Variants in CIMAP3 observed in about 807,000 individuals in gnomAD.
CIMAP3 encodes the protein ciliary microtubule associated protein 3, also known as ciliary microtubule-associated protein 3.
At chr1:111,348,280 C>A in the CIMAP3 span, 1 of 326,288 alleles carries the variant, frequency 3.1e-6, no homozygotes, top group Non-Finnish European at 5.6e-6. Flanking sequence ...CCTTGGTTCT[C>A]TACCCATCCT....
the CIMAP3 span, among the ~76,000 whole-genome samples, chr1:111,329,262 T>C: frequency 6.6e-6 from 1 of 152,050 alleles, no homozygotes; most frequent in Non-Finnish European, 1.5e-5. Flanking sequence ...GACCTTTCTC[T>C]CTAGCTGCTT....
the CIMAP3 span, chr1:111,347,638 G>GTTTTTTTTTT: frequency 1.2e-6 from 1 of 818,772 alleles, no homozygotes; most frequent in South Asian, 2.9e-5. Context: ...TTTTTTTTTT[G>GTTTTTTTTTT]GTGTTTTTGT....
At chr1:111,346,920 T>A in the CIMAP3 span, 1 of 1,613,910 alleles carries the variant, frequency 6.2e-7, no homozygotes, top group South Asian at 1.1e-5. Flanking sequence ...ACGCTGCGGA[T>A]AACTACCCTT....
the CIMAP3 span, chr1:111,346,692 G>C: frequency 1.2e-6 from 2 of 1,611,818 alleles, no homozygotes; most frequent in Non-Finnish European, 1.7e-6. Context: ...CTGCCGAGAA[G>C]CCTAGAGTAG....
At chr1:111,330,031 C>T in the CIMAP3 span, among the ~76,000 whole-genome samples, 4 of 73,214 alleles carry the variant, frequency 5.5e-5, no homozygotes, top group African/African-American at 2.1e-4. Flanking sequence ...GTGGATCTGT[C>T]AGATCCATTA....
chr1:111,346,113 G>T, the CIMAP3 span, among the ~76,000 whole-genome samples: 3 of 152,086 alleles, frequency 2.0e-5, no homozygotes, highest in African/African-American at 4.8e-5. Flanking sequence ...CCCTCCCCAC[G>T]GCCCCCCGGG....
the CIMAP3 span, chr1:111,347,622 CTT>C: frequency 6.8e-3 from 5,411 of 796,834 alleles, no homozygotes; most frequent in South Asian, 8.8e-3. Flanking sequence ...TTTTTTCTTT[CTT>C]TTTTTTTTTT....
the CIMAP3 span, among the ~76,000 whole-genome samples, chr1:111,336,903 A>G: frequency 6.6e-6 from 1 of 151,796 alleles, no homozygotes; most frequent in Non-Finnish European, 1.5e-5. Flanking sequence ...TGTCAGATTC[A>G]CCAAAGTTGA....
chr1:111,352,092 T>C, the CIMAP3 span: 5 of 150,152 alleles, frequency 3.3e-5, no homozygotes, highest in Non-Finnish European at 7.4e-5. Flanking sequence ...CATTCTGGGG[T>C]TATAAAGATC....
the CIMAP3 span, among the ~76,000 whole-genome samples, chr1:111,338,484 ATAATC>A: frequency 2.4e-5 from 1 of 42,466 alleles, no homozygotes; most frequent in Non-Finnish European, 5.9e-5. Context: ...GAGAATAATC[ATAATC>A]AAATAGACAC....
chr1:111,338,393 A>G, the CIMAP3 span, among the ~76,000 whole-genome samples: 1 of 151,870 alleles, frequency 6.6e-6, no homozygotes, highest in African/African-American at 2.4e-5. Context: ...CCTTCAAAAA[A>G]TCAATGAATC....
chr1:111,343,720 C>T, the CIMAP3 span, among the ~76,000 whole-genome samples: 1,203 of 152,312 alleles, frequency 7.9e-3, 16 homozygotes, highest in African/African-American at 0.027. Context: ...TTCGGTCTGG[C>T]TTTACTGAAA....
chr1:111,344,235 G>A, the CIMAP3 span, among the ~76,000 whole-genome samples: 1 of 152,146 alleles, frequency 6.6e-6, no homozygotes, highest in Non-Finnish European at 1.5e-5. Context: ...GAACTGAATT[G>A]GTGTAAAGCT....
the CIMAP3 span, among the ~76,000 whole-genome samples, chr1:111,325,897 T>C: frequency 6.6e-6 from 1 of 152,144 alleles, no homozygotes; most frequent in East Asian, 1.9e-4. Context: ...CTAATAACAC[T>C]CCAGATTTAC....
chr1:111,340,532 A>C, the CIMAP3 span, among the ~76,000 whole-genome samples: 2 of 152,046 alleles, frequency 1.3e-5, no homozygotes, highest in African/African-American at 4.8e-5. Context: ...CAACCCCATC[A>C]AAAAGTGGGC....
chr1:111,346,253 C>A, the CIMAP3 span: 1 of 176,422 alleles, frequency 5.7e-6, no homozygotes, highest in Non-Finnish European at 1.2e-5. Context: ...GGGAGTCCAC[C>A]CCGGTACGCT....
the CIMAP3 span, chr1:111,351,289 C>A: frequency 6.3e-7 from 1 of 1,590,386 alleles, no homozygotes; most frequent in South Asian, 1.1e-5. Flanking sequence ...TAGAAAGCAT[C>A]GGAACCGTGT....
chr1:111,336,406 C>T, the CIMAP3 span, among the ~76,000 whole-genome samples: 1 of 152,116 alleles, frequency 6.6e-6, no homozygotes, highest in South Asian at 2.1e-4. Context: ...CTACGAGCTA[C>T]AGGAGGAAAT....
chr1:111,326,547 G>T, the CIMAP3 span, among the ~76,000 whole-genome samples: 3 of 151,992 alleles, frequency 2.0e-5, no homozygotes, highest in Non-Finnish European at 4.4e-5. Context: ...CCATTCATCT[G>T]TTTGTTTTAT....
Sources: gnomAD v4.1 joint callset for allele counts (sites outside exome capture counted in the v4.1 genomes callset) on GRCh38, gnomAD v4.1.1 for gene constraint, MANE v1.5 for transcripts, NCBI Gene and HGNC (gene_info 2026-07-23, HGNC 2026-07-21) for gene names.